ELF1: variants seen among roughly 807,000 people sequenced by gnomAD.
ELF1 encodes ETS-related transcription factor Elf-1.
ELF1 carries 24 observed loss-of-function variants against 59.9 expected under a neutral mutation model. That is an observed-to-expected ratio of 0.40 (90% confidence interval 0.29 to 0.56). The LOEUF (loss-of-function observed/expected upper bound fraction) is 0.56. Among genes scored for constraint, ELF1 ranks in the 20% least tolerant of loss-of-function variants. The pLI, the probability that ELF1 is intolerant of heterozygous loss-of-function variation, is 0.44. For synonymous variants in ELF1, 248 were observed against 266.2 expected (o/e 0.93, Z 0.67); for missense variants, 627 against 742.2 (o/e 0.84, Z 1.80).
chr13:41,048,711 C>A (rs1283280570), intron 1 of ELF1, among the ~76,000 whole-genome samples: 8 of 151,902 alleles, frequency 5.3e-5, no homozygotes, highest in Admixed American at 5.2e-4. Context: ...CTACGCCTAG[C>A]CGAAGGTATT....
At chr13:40,994,882 G>A (rs74422659) in intron 1 of ELF1, among the ~76,000 whole-genome samples, 1 of 152,208 alleles carries the variant, frequency 6.6e-6, no homozygotes, top group Non-Finnish European at 1.5e-5. Context: ...ACATGCCCTA[G>A]TGCAATGGTT....
At chr13:40,944,437 G>A (rs1056638186) in intron 5 of ELF1, among the ~76,000 whole-genome samples, 3 of 152,138 alleles carry the variant, frequency 2.0e-5, no homozygotes, top group African/African-American at 7.2e-5. Context: ...TAGAAATACA[G>A]AAAATATGTG....
intron 2 of ELF1, among the ~76,000 whole-genome samples, chr13:40,981,620 C>T (rs1055704013): frequency 2.6e-5 from 4 of 151,990 alleles, no homozygotes; most frequent in Non-Finnish European, 5.9e-5. Flanking sequence ...GAAGAAGTAG[C>T]CCATGATTAC....
intron 1 of ELF1, chr13:40,992,645 G>A (rs9525439): frequency 0.55 from 89,535 of 162,284 alleles, 27,951 homozygotes; most frequent in Non-Finnish European, 0.68. Flanking sequence ...ACTCATCTTA[G>A]AGCTTTTATC....
intron 1 of ELF1, among the ~76,000 whole-genome samples, chr13:40,997,285 T>C (rs1053496764): frequency 1.3e-5 from 2 of 152,008 alleles, no homozygotes; most frequent in African/African-American, 4.8e-5. Context: ...TGAGACGGAG[T>C]CTCACTCTGT....
At chr13:40,993,513 C>T (rs1307091603) in intron 1 of ELF1, among the ~76,000 whole-genome samples, 4 of 152,078 alleles carry the variant, frequency 2.6e-5, no homozygotes, top group Non-Finnish European at 5.9e-5. Context: ...GACAGGGTCT[C>T]GTTGTTGCCC....
chr13:41,061,110 A>G (rs1877592938), exon 1 of ELF1: 2 of 189,876 alleles, frequency 1.1e-5, no homozygotes, highest in Non-Finnish European at 2.3e-5. Flanking sequence ...TTTTTTTTTT[A>G]ACTCCGCCAG....
At chr13:41,036,562 C>T (rs1024130712) in intron 1 of ELF1, among the ~76,000 whole-genome samples, 15 of 152,096 alleles carry the variant, frequency 9.9e-5, no homozygotes, top group African/African-American at 3.6e-4. Flanking sequence ...CTCAGGGATC[C>T]AGAACTAGAA....
At chr13:40,983,914 A>G (rs76114784) in intron 1 of ELF1, among the ~76,000 whole-genome samples, 2,148 of 152,158 alleles carry the variant, frequency 0.014, 18 homozygotes, top group Non-Finnish European at 0.019. Context: ...CCAGCATTCA[A>G]TCCCATCTTT....
intron 1 of ELF1, among the ~76,000 whole-genome samples, chr13:41,033,374 G>A (rs1270920952): frequency 6.6e-6 from 1 of 152,146 alleles, no homozygotes; most frequent in African/African-American, 2.4e-5. Context: ...TATAGTGCCA[G>A]GACACATAGT....
chr13:40,973,886 G>A (rs181039267), intron 2 of ELF1, among the ~76,000 whole-genome samples: 1 of 152,106 alleles, frequency 6.6e-6, no homozygotes, highest in Admixed American at 6.5e-5. Context: ...TTGATAACAG[G>A]ATGCCAAAGT....
chr13:40,943,053 T>G lies in ELF1; in HGVS notation c.705A>C (p.Lys235Asn), dbSNP rs1180902156. 1.2e-6 allele frequency: 2 copies of G among 1,613,202 alleles called. No individual in the cohort carries two copies. Among genetic ancestry groups the G allele is most frequent in the Non-Finnish European group, 1.7e-6 (2 of 1,179,552 alleles). Residue 235 changes from lysine to asparagine, a missense_variant, in exon 7 of 9, where the codon AAA (lysine) becomes AAC (asparagine). Physicochemically the swap from Lys to Asn is moderately conservative, Grantham distance 94. Transcript: ENST00000239882. Reference protein sequence around the residue: ...PKYIKWTQREKGIFKLVDSKA... With the variant: ...PKYIKWTQRENGIFKLVDSKA... ...TAGAATCCACCAATTTAAAAATGCC[T>G]TTCTCTCGCTGGGTCCACTTGATGT...
intron 3 of ELF1, chr13:40,951,737 C>T (rs1385683165): frequency 2.2e-5 from 4 of 178,230 alleles, no homozygotes; most frequent in African/African-American, 4.8e-5. Context: ...CGTGGTGGCA[C>T]GCACCTGTAG....
intron 1 of ELF1, among the ~76,000 whole-genome samples, chr13:40,986,614 CT>C (rs1164236805): frequency 1.3e-5 from 2 of 150,558 alleles, no homozygotes; most frequent in African/African-American, 4.9e-5. Context: ...GGTTTGGCGT[CT>C]TTTTAACAAA....
chr13:40,936,769 A>AAAAAAAAAG (rs1282411833), intron 8 of ELF1, among the ~76,000 whole-genome samples: 3 of 149,416 alleles, frequency 2.0e-5, no homozygotes, highest in Non-Finnish European at 4.4e-5. Context: ...TCAAAAAAAA[A>AAAAAAAAAG]AAAAAAAAGA....
chr13:40,981,330 T>G lies in ELF1; in HGVS notation c.72+653A>C, dbSNP rs191202152. Among the ~76,000 whole-genome samples the G allele has an allele frequency of 5.4e-3, 825 of 151,596 alleles. 2 individuals carry two copies. The highest frequency in any genetic ancestry group is 7.7e-3 in the Non-Finnish European group (519 of 67,712). On this transcript the variant is annotated intron_variant, in intron 2 of 8. Coordinates refer to ENST00000239882, the MANE Select transcript of ELF1 (RefSeq NM_172373.4). Reference sequence around the variant, plus strand: ...AAACTCTAGCCTCGTTCCAGTTCTTTTGTGTGTGTGTGTGTTGTGGGGAGG... The same window carrying G: ...AAACTCTAGCCTCGTTCCAGTTCTTGTGTGTGTGTGTGTGTTGTGGGGAGG...
At chr13:41,012,292 G>A (rs1409487258) in intron 1 of ELF1, among the ~76,000 whole-genome samples, 7 of 118,380 alleles carry the variant, frequency 5.9e-5, no homozygotes, top group Admixed American at 3.4e-4. Flanking sequence ...CAGCCTGAGC[G>A]ACAGAGCAAG....
chr13:40,937,341 T>C (rs1274948041), intron 8 of ELF1, among the ~76,000 whole-genome samples: 1 of 152,244 alleles, frequency 6.6e-6, no homozygotes, highest in Non-Finnish European at 1.5e-5. Flanking sequence ...TACTCAGGTG[T>C]CAGGTGTCAT....
chr13:40,954,516 T>C (rs1488518433), intron 3 of ELF1, among the ~76,000 whole-genome samples: 1 of 151,676 alleles, frequency 6.6e-6, no homozygotes, highest in Non-Finnish European at 1.5e-5. Flanking sequence ...TGGACTGTAC[T>C]GCTGCCATCT....
Sources: gnomAD v4.1 joint callset for allele counts (sites outside exome capture counted in the v4.1 genomes callset) on GRCh38, gnomAD v4.1.1 for gene constraint, MANE v1.5 for transcripts, NCBI Gene and HGNC (gene_info 2026-07-23, HGNC 2026-07-21) for gene names.